Variants in ITGA2 observed in about 807,000 individuals in gnomAD.
The protein encoded by ITGA2 is integrin alpha-2.
ITGA2 carries 101 observed loss-of-function variants against 146.3 expected under a neutral mutation model. The ratio of observed to expected loss-of-function variants is 0.69; its 90% confidence interval spans 0.59 to 0.81. ITGA2 has a LOEUF of 0.81. ITGA2 is among the 40% of genes least tolerant of loss of function. ITGA2 has a pLI of 0.00. For synonymous variants in ITGA2, 477 were observed against 487.1 expected (o/e 0.98, Z 0.27); for missense variants, 1,281 against 1,402.7 (o/e 0.91, Z 1.39).
At chr5:53,007,293 T>G (rs550892422) in intron 1 of ITGA2, among the ~76,000 whole-genome samples, 1 of 152,234 alleles carries the variant, frequency 6.6e-6, no homozygotes, top group Admixed American at 6.5e-5. Flanking sequence ...ATGCACAGGC[T>G]AGGATGGTCA....
intron 2 of ITGA2, among the ~76,000 whole-genome samples, chr5:53,033,770 T>G (rs1043116464): frequency 6.6e-6 from 1 of 151,014 alleles, no homozygotes; most frequent in African/African-American, 2.4e-5. Flanking sequence ...GCTAATTTTT[T>G]TTTTTTTTTT....
At chr5:53,050,786 C>T (rs1427051372) in intron 6 of ITGA2, among the ~76,000 whole-genome samples, 6 of 152,166 alleles carry the variant, frequency 3.9e-5, no homozygotes, top group African/African-American at 1.2e-4. Context: ...AAATAAGATG[C>T]TCTCCAGTGG....
intron 1 of ITGA2, among the ~76,000 whole-genome samples, chr5:52,998,484 A>G (rs990461845): frequency 1.3e-5 from 2 of 152,010 alleles, no homozygotes; most frequent in Non-Finnish European, 2.9e-5. Flanking sequence ...CAAACAAACA[A>G]AAAAGGCAGA....
At position 53,027,584 on chromosome 5, in the gene ITGA2, T is replaced by C. The variant is rs191357199; in HGVS notation, c.185+716T>C. ...GAAATGAGGTAATTTGAAAGTTGTA[T>C]TTGGGAAGAAGCGCTGTAGCTCCTA... is the stretch of plus-strand genomic sequence containing the variant. On this transcript the variant is annotated intron_variant, in intron 2 of 29. Coordinates refer to ENST00000296585, the MANE Select transcript of ITGA2 (RefSeq NM_002203.4). Among the ~76,000 whole-genome samples the C allele has an allele frequency of 2.0e-5, 3 of 152,308 alleles. No individual in the cohort carries two copies. In the East Asian group the frequency reaches 5.8e-4, roughly 29 times the overall value.
At chr5:53,049,856 A>T (rs1245812008) in intron 6 of ITGA2, among the ~76,000 whole-genome samples, 1 of 152,120 alleles carries the variant, frequency 6.6e-6, no homozygotes, top group Non-Finnish European at 1.5e-5. Flanking sequence ...CAAATTGTTG[A>T]CATATTTTTC....
At chr5:53,060,871 T>TAATCA in intron 11 of ITGA2, 30 bp from the exon 12 acceptor site, 6 of 1,607,386 alleles carry the variant, frequency 3.7e-6, no homozygotes, top group Non-Finnish European at 5.1e-6. Context: ...ATAGTCAATG[T>TAATCA]TAATCACTCT....
chr5:53,012,741 C>G, intron 1 of ITGA2, among the ~76,000 whole-genome samples: 1 of 152,120 alleles, frequency 6.6e-6, no homozygotes, highest in East Asian at 1.9e-4. Flanking sequence ...GATCCCTTTT[C>G]TCTACAACCT....
chr5:53,009,651 A>G (rs528867670), intron 1 of ITGA2, among the ~76,000 whole-genome samples: 1 of 152,272 alleles, frequency 6.6e-6, no homozygotes, highest in East Asian at 1.9e-4. Flanking sequence ...CAGCCTATCT[A>G]GATTGATTAT....
intron 16 of ITGA2, among the ~76,000 whole-genome samples, chr5:53,068,108 A>G (rs539596097): frequency 6.6e-6 from 1 of 151,954 alleles, no homozygotes; most frequent in Non-Finnish European, 1.5e-5. Flanking sequence ...TAGGAATTCA[A>G]TTAAGTGACA....
intron 1 of ITGA2, among the ~76,000 whole-genome samples, chr5:53,003,942 G>A (rs1214919580): frequency 6.6e-6 from 1 of 152,020 alleles, no homozygotes; most frequent in Non-Finnish European, 1.5e-5. Context: ...GAGACCATGC[G>A]AGGCCCCATT....
chr5:53,081,645 A>G lies in ITGA2; in HGVS notation c.3093A>G (p.Thr1031=), dbSNP rs776585724. The G allele has an allele frequency of 6.2e-6, 10 of 1,613,360 alleles. No individual in the cohort carries two copies. Among genetic ancestry groups the G allele is most frequent in the Non-Finnish European group, 8.5e-6 (10 of 1,179,690 alleles). ...ADINPLKIGQ[T]SSSVSFKSEN... ...TCAATCCACTGAAAATAGGACAAAC[A>G]TCTTCTTCTGTATCTTTCAAAAGTG... The change falls in exon 26 of 30, where the codon ACA becomes ACG. Residue 1031 remains threonine (T), a synonymous_variant. Transcript: ENST00000296585.
chr5:53,017,737 T>G (rs1176055070), intron 1 of ITGA2, among the ~76,000 whole-genome samples: 6 of 152,102 alleles, frequency 3.9e-5, no homozygotes, highest in African/African-American at 1.4e-4. Flanking sequence ...CATGCCAGCA[T>G]AGCAGGCTGC....
At position 53,080,637 on chromosome 5, in the gene ITGA2, T is replaced by A. The variant is rs1561152446; in HGVS notation, c.3039+16T>A. ...AACAGACAAGGTAAAGATTAAAAAA[T>A]TGCCTAAAAATGTGTACTTTCAAGA... On this transcript the variant is annotated intron_variant, in intron 25 of 29. Transcript: ENST00000296585. 1 of 1,580,714 alleles carries A rather than the reference T, an allele frequency of 6.3e-7. No individual in the cohort carries two copies. The highest frequency in any genetic ancestry group is 8.7e-7 in the Non-Finnish European group (1 of 1,149,960).
chr5:53,045,020 T>C lies in ITGA2; in HGVS notation c.315T>C (p.Asn105=). The change falls in exon 4 of 30, where the codon AAT becomes AAC. Residue 105 remains asparagine (N), a synonymous_variant. Transcript: ENST00000296585. The stretch of plus-strand genomic sequence containing the variant: ...TGAAAGCTTCAACAAGCATTCCAAA[T>C]GTTACTGAGATGAAAACCAACATGA... ...LNLQTSTSIP[N]VTEMKTNMSL... 6.2e-7 allele frequency: 1 copy of C among 1,613,734 alleles called. No individual in the cohort carries two copies. Among genetic ancestry groups the C allele is most frequent in the Non-Finnish European group, 8.5e-7 (1 of 1,179,674 alleles).
chr5:53,004,551 A>G (rs1043401236), intron 1 of ITGA2, among the ~76,000 whole-genome samples: 1 of 152,064 alleles, frequency 6.6e-6, no homozygotes, highest in African/African-American at 2.4e-5. Context: ...GGGGCACTGG[A>G]GGATTGAGGC....
intron 1 of ITGA2, among the ~76,000 whole-genome samples, chr5:52,991,026 T>G (rs1006089820): frequency 6.6e-6 from 1 of 152,176 alleles, no homozygotes; most frequent in Non-Finnish European, 1.5e-5. Context: ...AGGCTTGTTA[T>G]GTAAAGAGCA....
At chr5:53,048,606 C>T (rs1236119631) in intron 5 of ITGA2, 37 bp from the exon 6 acceptor site, 4 of 1,613,848 alleles carry the variant, frequency 2.5e-6, no homozygotes, top group Middle Eastern at 1.6e-4. Context: ...TATGACTTAC[C>T]TGTGGAAATC....
intron 13 of ITGA2, among the ~76,000 whole-genome samples, chr5:53,063,881 A>T (rs1745018454): frequency 1.3e-5 from 2 of 151,874 alleles, no homozygotes; most frequent in African/African-American, 4.8e-5. Flanking sequence ...ATACTGAATT[A>T]TCATTAATTG....
chr5:53,005,598 A>T (rs1741806609), intron 1 of ITGA2, among the ~76,000 whole-genome samples: 1 of 148,928 alleles, frequency 6.7e-6, no homozygotes, highest in South Asian at 2.1e-4. Flanking sequence ...AAAAAAAAAG[A>T]TGAAAGTGGG....
Sources: gnomAD v4.1 joint callset for allele counts (sites outside exome capture counted in the v4.1 genomes callset) on GRCh38, gnomAD v4.1.1 for gene constraint, MANE v1.5 for transcripts, NCBI Gene and HGNC (gene_info 2026-07-23, HGNC 2026-07-21) for gene names.